EPB41L4A: variants seen among roughly 807,000 people sequenced by gnomAD.
EPB41L4A encodes the protein erythrocyte membrane protein band 4.1 like 4A.
Under a neutral mutation model 108.6 loss-of-function variants are expected in EPB41L4A, and 100 were observed. The observed-to-expected ratio is 0.92, with a 90% CI of 0.78 to 1.09. The LOEUF (loss-of-function observed/expected upper bound fraction) is 1.09. EPB41L4A is among the 50% of genes least tolerant of loss of function. EPB41L4A has a pLI of 0.00. For synonymous variants in EPB41L4A, 319 were observed against 289.0 expected, an observed-to-expected ratio of 1.10 and a Z score of -1.05; for missense variants, 1,030 against 842.7, an observed-to-expected ratio of 1.22 and a Z score of -2.75.
chr5:112,242,977 G>C (rs929212170), intron 9 of EPB41L4A, among the ~76,000 whole-genome samples: 1 of 152,144 alleles, frequency 6.6e-6, no homozygotes, highest in Non-Finnish European at 1.5e-5. Context: ...ACTTTGGGGA[G>C]CTGAGGCAGG....
chr5:112,309,437 T>C (rs1255646918), intron 1 of EPB41L4A, among the ~76,000 whole-genome samples: 1 of 152,194 alleles, frequency 6.6e-6, no homozygotes, highest in Admixed American at 6.5e-5. Flanking sequence ...TTAAATTTAA[T>C]TGACAGACCA....
intron 1 of EPB41L4A, among the ~76,000 whole-genome samples, chr5:112,360,796 T>TC (rs1758681929): frequency 6.6e-6 from 1 of 151,880 alleles, no homozygotes; most frequent in Non-Finnish European, 1.5e-5. Flanking sequence ...GAAGAGCGTC[T>TC]CTGCCCGGCC....
intron 2 of EPB41L4A, 64 bp from the exon 3 acceptor site, chr5:112,280,387 A>T (rs1339609357): frequency 7.0e-7 from 1 of 1,420,586 alleles, no homozygotes; most frequent in African/African-American, 1.4e-5. Flanking sequence ...TTACTTCAAG[A>T]ATATTTGCAA....
At chr5:112,282,491 C>T (rs1377532651) in intron 2 of EPB41L4A, among the ~76,000 whole-genome samples, 1 of 152,226 alleles carries the variant, frequency 6.6e-6, no homozygotes, top group Non-Finnish European at 1.5e-5. Context: ...TGTTTATTAT[C>T]TCAGAGTGCT....
At chr5:112,382,496 C>T (rs887016547) in intron 1 of EPB41L4A, among the ~76,000 whole-genome samples, 3 of 152,196 alleles carry the variant, frequency 2.0e-5, no homozygotes, top group Non-Finnish European at 4.4e-5. Context: ...CACCTGGCTA[C>T]TCTTGGGGAA....
At chr5:112,192,887 C>T (rs908711718) in intron 17 of EPB41L4A, among the ~76,000 whole-genome samples, 4 of 152,162 alleles carry the variant, frequency 2.6e-5, no homozygotes, top group Non-Finnish European at 5.9e-5. Flanking sequence ...ACTTAAAATA[C>T]TGGCTTGATC....
intron 12 of EPB41L4A, among the ~76,000 whole-genome samples, chr5:112,149,749 G>C (rs1159352157): frequency 1.3e-5 from 2 of 152,176 alleles, no homozygotes; most frequent in African/African-American, 4.8e-5. Flanking sequence ...CTAAATGCGT[G>C]TCTGAGTTGG....
intron 2 of EPB41L4A, among the ~76,000 whole-genome samples, chr5:112,306,481 G>A (rs552217546): frequency 3.9e-5 from 6 of 152,254 alleles, no homozygotes; most frequent in African/African-American, 1.4e-4. Context: ...ACCATCAATA[G>A]TGGAAACACC....
chr5:112,255,324 C>A (rs1365283296), intron 9 of EPB41L4A, among the ~76,000 whole-genome samples: 1 of 152,118 alleles, frequency 6.6e-6, no homozygotes, highest in African/African-American at 2.4e-5. Flanking sequence ...GAATATGCAT[C>A]AATTTATTTG....
intron 1 of EPB41L4A, among the ~76,000 whole-genome samples, chr5:112,314,750 G>A (rs901924936): frequency 5.3e-5 from 8 of 151,546 alleles, no homozygotes; most frequent in Non-Finnish European, 7.4e-5. Flanking sequence ...CCGAGACTGC[G>A]ATACTGCACT....
chr5:112,196,228 T>C (rs970123295), intron 15 of EPB41L4A, among the ~76,000 whole-genome samples: 2 of 152,176 alleles, frequency 1.3e-5, no homozygotes, highest in African/African-American at 4.8e-5. Flanking sequence ...ACAGCTTCAA[T>C]GGGGCATCCT....
chr5:112,259,295 A>G lies in EPB41L4A; in HGVS notation c.732-3T>C, dbSNP rs1751330625. ...AGTGAACCTTTGTAATCCGAGGCCT[A>G]AAAAACAAAGCAGATGGTGTTGCTG... is the stretch of plus-strand genomic sequence containing the variant. On this transcript the variant is annotated splice_polypyrimidine_tract_variant and splice_region_variant and intron_variant, in intron 8 of 22. Coordinates refer to ENST00000261486, the MANE Select transcript of EPB41L4A (RefSeq NM_022140.5). 3 of 1,613,014 alleles carry G rather than the reference A, an allele frequency of 1.9e-6. No individual in the cohort carries two copies. The highest frequency in any genetic ancestry group is 1.3e-5 in the African/African-American group (1 of 74,894).
chr5:112,322,909 T>C (rs929345127), intron 1 of EPB41L4A, among the ~76,000 whole-genome samples: 3 of 150,656 alleles, frequency 2.0e-5, no homozygotes, highest in East Asian at 2.0e-4. Context: ...CCAGAACAAA[T>C]AGGGCCTATG....
intron 1 of EPB41L4A, among the ~76,000 whole-genome samples, chr5:112,311,014 T>C (rs999932318): frequency 1.3e-5 from 2 of 152,168 alleles, no homozygotes; most frequent in African/African-American, 4.8e-5. Context: ...TTTTCCAGCA[T>C]TCTTATCTTT....
At position 112,163,340 on chromosome 5, in the gene EPB41L4A, G is replaced by A. The variant is rs1760031776; in HGVS notation, c.*1650C>T. The A allele has an allele frequency of 2.0e-5, 3 of 152,182 alleles. No individual in the cohort carries two copies. In the South Asian group the frequency reaches 6.2e-4, roughly 31 times the overall value. The allele number at this position is 152,182 out of a possible 1,614,324, so 9.4% of individuals were successfully genotyped here. A position where few individuals can be genotyped will look rare whatever the true frequency, so the allele number is the denominator to read the frequency against. ...AGCTGAATTTTTAAATTACCTTTGAGAAACCCAAATGGTCTTTTTGCAGTA... is the reference window on the plus strand; with the variant it reads ...AGCTGAATTTTTAAATTACCTTTGAAAAACCCAAATGGTCTTTTTGCAGTA... On this transcript the variant is annotated 3_prime_UTR_variant, in exon 23 of 23. Coordinates refer to ENST00000261486, the MANE Select transcript of EPB41L4A (RefSeq NM_022140.5).
intron 1 of EPB41L4A, among the ~76,000 whole-genome samples, chr5:112,400,873 A>G (rs1238525640): frequency 6.8e-6 from 1 of 147,122 alleles, no homozygotes; most frequent in Non-Finnish European, 1.5e-5. Flanking sequence ...GAGACACAAA[A>G]TATCTTGAGT....
intron 6 of EPB41L4A, chr5:112,264,136 T>C (rs566936901): frequency 3.9e-5 from 6 of 152,160 alleles, no homozygotes; most frequent in African/African-American, 1.4e-4. Flanking sequence ...TTAACTATAA[T>C]AGATCTGAAA....
chr5:112,172,094 T>C (rs568921740), intron 18 of EPB41L4A, among the ~76,000 whole-genome samples: 1 of 152,142 alleles, frequency 6.6e-6, no homozygotes, highest in Non-Finnish European at 1.5e-5. Flanking sequence ...GGGAAAAAAG[T>C]GATCTGTCTA....
chr5:112,310,451 T>C (rs1207855623), intron 1 of EPB41L4A, among the ~76,000 whole-genome samples: 1 of 152,240 alleles, frequency 6.6e-6, no homozygotes, highest in Non-Finnish European at 1.5e-5. Context: ...ATGCACCCTG[T>C]CTTCATCCTG....
Sources: gnomAD v4.1 joint callset for allele counts (sites outside exome capture counted in the v4.1 genomes callset) on GRCh38, gnomAD v4.1.1 for gene constraint, MANE v1.5 for transcripts, NCBI Gene and HGNC (gene_info 2026-07-23, HGNC 2026-07-21) for gene names.